The following UGGT2 variants were observed in gnomAD, a reference collection of about 807,000 sequenced individuals.
UGGT2 encodes UDP-glucose glycoprotein glucosyltransferase 2.
UGGT2 carries 180 observed loss-of-function variants against 192.1 expected under a neutral mutation model. The ratio of observed to expected loss-of-function variants is 0.94; its 90% confidence interval spans 0.83 to 1.06. The LOEUF (loss-of-function observed/expected upper bound fraction) is 1.06. Ranked by LOEUF, UGGT2 falls within the 50% of genes least tolerant of loss-of-function variation. The pLI, the probability that UGGT2 is intolerant of heterozygous loss-of-function variation, is 0.00. For missense variants in UGGT2, 1,849 were observed against 1,795.7 expected, an observed-to-expected ratio of 1.03 and a Z score of -0.54; for synonymous variants, 580 against 591.0, an observed-to-expected ratio of 0.98 and a Z score of 0.27.
chr13:95,826,689 A>C (rs1039453709), intron 38 of UGGT2, among the ~76,000 whole-genome samples: 21 of 152,126 alleles, frequency 1.4e-4, no homozygotes, highest in African/African-American at 4.3e-4. Context: ...TCTTGAGGAA[A>C]ACTGGACTTG....
chr13:95,900,279 T>C (rs1566659394), intron 22 of UGGT2, among the ~76,000 whole-genome samples: 1 of 152,064 alleles, frequency 6.6e-6, no homozygotes, highest in Non-Finnish European at 1.5e-5. Context: ...GGAAAAACAA[T>C]AAGCTATTAA....
At chr13:95,944,462 C>T (rs181995853) in intron 15 of UGGT2, among the ~76,000 whole-genome samples, 11 of 152,094 alleles carry the variant, frequency 7.2e-5, no homozygotes, top group African/African-American at 9.6e-5. Flanking sequence ...CAGAATACAA[C>T]GGAATAAACT....
intron 36 of UGGT2, among the ~76,000 whole-genome samples, chr13:95,843,227 T>A (rs1281422960): frequency 6.6e-6 from 1 of 152,218 alleles, no homozygotes; most frequent in Non-Finnish European, 1.5e-5. Flanking sequence ...CATTTTACAC[T>A]CATTTTCACA....
At chr13:96,001,690 C>T (rs1426504647) in intron 5 of UGGT2, among the ~76,000 whole-genome samples, 2 of 152,132 alleles carry the variant, frequency 1.3e-5, no homozygotes, top group Non-Finnish European at 2.9e-5. Flanking sequence ...CACAGGTTTA[C>T]TTACAGATTT....
intron 1 of UGGT2, among the ~76,000 whole-genome samples, chr13:96,048,918 T>C (rs2139236336): frequency 6.6e-6 from 1 of 152,326 alleles, no homozygotes; most frequent in East Asian, 1.9e-4. Flanking sequence ...GAGGAGCTGG[T>C]ACCATTCTTT....
chr13:96,019,126 G>A lies in UGGT2; in HGVS notation c.485+3914C>T, dbSNP rs1295064952. On this transcript the variant is annotated intron_variant, in intron 4 of 38. Transcript: ENST00000376747. The stretch of plus-strand genomic sequence containing the variant: ...TATTAACTTTGCCCTACATAGCGGG[G>A]GGGGGGGGGGGGAATGTTTCTGTCA... Among the ~76,000 whole-genome samples, 52 of 51,550 alleles carry A rather than the reference G, an allele frequency of 1.0e-3. 2 individuals are homozygous for A. The highest frequency in any genetic ancestry group is 2.9e-3 in the African/African-American group (45 of 15,422). The allele number at this position is 51,550 out of a possible 152,430, so 33.8% of individuals were successfully genotyped here.
intron 10 of UGGT2, among the ~76,000 whole-genome samples, chr13:95,975,742 A>C (rs555564323): frequency 6.6e-6 from 1 of 152,314 alleles, no homozygotes; most frequent in South Asian, 2.1e-4. Context: ...CAATGTTAAA[A>C]TGGTTTATAA....
chr13:95,912,408 T>C (rs1023343499), intron 20 of UGGT2, among the ~76,000 whole-genome samples: 27 of 152,146 alleles, frequency 1.8e-4, no homozygotes, highest in Admixed American at 1.6e-3. Flanking sequence ...ACAAAATCAA[T>C]GTGCAAAAAT....
intron 10 of UGGT2, among the ~76,000 whole-genome samples, chr13:95,982,693 C>T (rs1301745354): frequency 6.6e-6 from 1 of 152,068 alleles, no homozygotes; most frequent in Non-Finnish European, 1.5e-5. Context: ...GCGTATTAAG[C>T]CTCCACTCCC....
At chr13:96,050,713 CAACA>C (rs1332976566) in intron 1 of UGGT2, among the ~76,000 whole-genome samples, 4 of 152,272 alleles carry the variant, frequency 2.6e-5, no homozygotes, top group African/African-American at 9.6e-5. Context: ...TTTATGCAAC[CAACA>C]GACACATGAA....
Position 95,846,109 on chromosome 13 carries a change from C to T in UGGT2, c.4284+7434G>A, listed in dbSNP as rs542194339. Among the ~76,000 whole-genome samples, 15 of 152,294 alleles carry T rather than the reference C, an allele frequency of 9.8e-5. No homozygotes were observed. The East Asian group carries it at 1.2e-3, about 12-fold the overall frequency. ...TGGAGGTTGTAGGGAGCCGAGATCA[C>T]GCCACTGCACTCCAGCCTGGGCAAC... On this transcript the variant is annotated intron_variant, in intron 36 of 38. Coordinates refer to ENST00000376747, the MANE Select transcript of UGGT2 (RefSeq NM_020121.4).
chr13:95,995,546 C>G (rs1191714287), intron 7 of UGGT2, among the ~76,000 whole-genome samples: 1 of 151,954 alleles, frequency 6.6e-6, no homozygotes, highest in Non-Finnish European at 1.5e-5. Context: ...AGCACATATA[C>G]TTTATCAACT....
intron 38 of UGGT2, among the ~76,000 whole-genome samples, chr13:95,814,117 A>T (rs1204762911): frequency 6.6e-6 from 1 of 152,216 alleles, no homozygotes; most frequent in Non-Finnish European, 1.5e-5. Context: ...GGAAGTATGG[A>T]GTGAAAAAGT....
chr13:95,936,694 T>C (rs139522187), intron 17 of UGGT2, among the ~76,000 whole-genome samples: 1 of 152,348 alleles, frequency 6.6e-6, no homozygotes, highest in East Asian at 1.9e-4. Flanking sequence ...GTGTTCCAGA[T>C]TCCTGAAGAT....
chr13:96,036,748 C>T (rs2053015253), intron 1 of UGGT2, among the ~76,000 whole-genome samples: 1 of 152,112 alleles, frequency 6.6e-6, no homozygotes, highest in Non-Finnish European at 1.5e-5. Flanking sequence ...TAAGATATTA[C>T]CTTTGAACAA....
intron 38 of UGGT2, among the ~76,000 whole-genome samples, chr13:95,802,347 C>T (rs1373937088): frequency 6.6e-6 from 1 of 152,094 alleles, no homozygotes; most frequent in Non-Finnish European, 1.5e-5. Context: ...CTGTCACATA[C>T]CAACTGATGT....
At chr13:95,945,012 C>T (rs2049816888) in intron 15 of UGGT2, among the ~76,000 whole-genome samples, 1 of 151,820 alleles carries the variant, frequency 6.6e-6, no homozygotes, top group Admixed American at 6.6e-5. Flanking sequence ...TTTATTTCCC[C>T]TAATATTTTA....
rs535512672 is a variant in UGGT2, at chr13:96,028,196, C to A, written c.241+3693G>T. Among the ~76,000 whole-genome samples, 105 of 152,334 alleles carry A rather than the reference C, an allele frequency of 6.9e-4. No homozygotes were observed. The South Asian group carries it at 8.9e-3, about 13-fold the overall frequency. On this transcript the variant is annotated intron_variant, in intron 2 of 38. Coordinates refer to ENST00000376747, the MANE Select transcript of UGGT2 (RefSeq NM_020121.4). The stretch of plus-strand genomic sequence containing the variant: ...TCTAGATCTCTCACTCATATATCAG[C>A]TTACCGATATATTTATATTTGGATA...
At chr13:95,926,040 TCATTA>T (rs2049005946) in intron 19 of UGGT2, among the ~76,000 whole-genome samples, 1 of 152,010 alleles carries the variant, frequency 6.6e-6, no homozygotes, top group Admixed American at 6.6e-5. Flanking sequence ...GAAGAGTAAC[TCATTA>T]TATAAGCTTA....
Sources: gnomAD v4.1 joint callset for allele counts (sites outside exome capture counted in the v4.1 genomes callset) on GRCh38, gnomAD v4.1.1 for gene constraint, MANE v1.5 for transcripts, NCBI Gene and HGNC (gene_info 2026-07-23, HGNC 2026-07-21) for gene names.